The following MB21D2 variants were observed in gnomAD, a reference collection of about 807,000 sequenced individuals.
MB21D2 encodes the protein nucleotidyltransferase MB21D2.
A neutral mutation model predicts 33.3 loss-of-function variants in MB21D2; 9 were observed. That is an observed-to-expected ratio of 0.27 (90% CI 0.16 to 0.47). MB21D2 has a LOEUF of 0.47. Ranked by LOEUF, MB21D2 falls within the 20% of genes least tolerant of loss-of-function variation. MB21D2 has a pLI of 0.99. For missense variants in MB21D2, 540 were observed against 624.6 expected (o/e 0.86, Z 1.44); for synonymous variants, 241 against 236.3 (o/e 1.02, Z -0.18).
chr3:192,823,382 G>A lies in MB21D2; in HGVS notation c.212-23732C>T, dbSNP rs181609535. On this transcript the variant is annotated intron_variant, in intron 1 of 1. Coordinates refer to ENST00000392452, the MANE Select transcript of MB21D2 (RefSeq NM_178496.4). ...AAAACACATTTCTCTGGCTGGGCAC[G>A]GTGGCTCATGCCTGTAATCTCAGCA... Among the ~76,000 whole-genome samples the A allele has an allele frequency of 2.4e-3, 363 of 152,244 alleles. 1 individual carries two copies. The highest frequency in any genetic ancestry group is 8.1e-3 in the African/African-American group (338 of 41,558).
intron 1 of MB21D2, among the ~76,000 whole-genome samples, chr3:192,900,744 A>G (rs1200687860): frequency 6.6e-6 from 1 of 151,496 alleles, no homozygotes; most frequent in East Asian, 2.0e-4. Context: ...AGTTCGAGAC[A>G]AGCCTGGCCA....
intron 1 of MB21D2, among the ~76,000 whole-genome samples, chr3:192,826,790 A>G (rs1712181664): frequency 6.6e-6 from 1 of 152,068 alleles, no homozygotes; most frequent in Admixed American, 6.5e-5. Context: ...CTAGACACAG[A>G]GGAGGCTGAG....
intron 1 of MB21D2, among the ~76,000 whole-genome samples, chr3:192,841,309 G>A (rs146420939): frequency 2.0e-5 from 3 of 152,324 alleles, no homozygotes; most frequent in African/African-American, 7.2e-5. Context: ...CCCCACCTTC[G>A]GGTATTCACA....
chr3:192,899,770 G>A (rs1330766943), intron 1 of MB21D2, among the ~76,000 whole-genome samples: 1 of 118,268 alleles, frequency 8.5e-6, no homozygotes, highest in African/African-American at 3.1e-5. Flanking sequence ...CTTCAGCTCT[G>A]GGGTAGGGAG....
At chr3:192,882,684 C>G (rs140388242) in intron 1 of MB21D2, among the ~76,000 whole-genome samples, 1 of 151,364 alleles carries the variant, frequency 6.6e-6, no homozygotes, top group Non-Finnish European at 1.5e-5. Flanking sequence ...CCTGGTAGAA[C>G]TAAGATCCCC....
chr3:192,884,566 A>T (rs530869685), intron 1 of MB21D2, among the ~76,000 whole-genome samples: 2 of 151,848 alleles, frequency 1.3e-5, no homozygotes, highest in South Asian at 2.1e-4. Context: ...ACGGGGTTTC[A>T]CCGTGTTAGC....
intron 1 of MB21D2, among the ~76,000 whole-genome samples, chr3:192,830,198 CCTGA>C (rs1289000251): frequency 4.0e-5 from 6 of 151,364 alleles, no homozygotes; most frequent in South Asian, 2.1e-4. Context: ...ATAGAGTTTT[CCTGA>C]CTGTTAGTAT....
At chr3:192,877,195 T>A (rs763500826) in intron 1 of MB21D2, among the ~76,000 whole-genome samples, 1 of 152,174 alleles carries the variant, frequency 6.6e-6, no homozygotes, top group Non-Finnish European at 1.5e-5. Flanking sequence ...CATACTTTCT[T>A]AGTTTATGTA....
rs1294532469 is a variant in MB21D2 at position 192,798,567 on chromosome 3, C to A, written c.1295G>T (p.Gly432Val). ...NRLTLELQRR[G>V]STTSIPSPQS... The stretch of plus-strand genomic sequence containing the variant: ...TGGAGAGGGGATGCTGGTGGTGCTA[C>A]CTCGCCTCTGGAGCTCCAGTGTCAG... The change falls in exon 2 of 2, where the codon GGT (glycine) becomes GTT (valine). Residue 432 changes from glycine to valine, a missense_variant. Gly to Val is a moderately radical substitution (Grantham distance 109, BLOSUM62 -3). Transcript: ENST00000392452. This position sits in a 1 kb window ranked among gnomAD's most constrained non-coding sequence, Gnocchi z 4.8. 1 of 1,614,144 alleles carries A rather than the reference C, an allele frequency of 6.2e-7. No homozygotes were observed. Among genetic ancestry groups the A allele is most frequent in the Non-Finnish European group, 8.5e-7 (1 of 1,180,030 alleles).
chr3:192,819,851 C>A (rs114907223), intron 1 of MB21D2, among the ~76,000 whole-genome samples: 18 of 152,318 alleles, frequency 1.2e-4, no homozygotes, highest in Non-Finnish European at 2.6e-4. Flanking sequence ...TGACATCCAT[C>A]TGTGAAAGTG....
At chr3:192,909,932 GTC>G (rs1714303647) in intron 1 of MB21D2, among the ~76,000 whole-genome samples, 1 of 72,892 alleles carries the variant, frequency 1.4e-5, no homozygotes, top group Admixed American at 2.5e-4. Context: ...GCAAGACTCT[GTC>G]TCAAAAAAAA....
At chr3:192,870,116 G>A (rs1002004486) in intron 1 of MB21D2, among the ~76,000 whole-genome samples, 3 of 152,062 alleles carry the variant, frequency 2.0e-5, no homozygotes, top group African/African-American at 7.2e-5. Flanking sequence ...CGACTGCTTA[G>A]ACACACAATA....
intron 1 of MB21D2, among the ~76,000 whole-genome samples, chr3:192,829,407 T>C (rs958726853): frequency 1.2e-4 from 19 of 152,238 alleles, no homozygotes; most frequent in Non-Finnish European, 2.4e-4. Context: ...CGCCGTTCCA[T>C]TTTTTAAGGG....
intron 1 of MB21D2, among the ~76,000 whole-genome samples, chr3:192,871,080 G>A (rs1713285985): frequency 6.6e-6 from 1 of 152,186 alleles, no homozygotes; most frequent in African/African-American, 2.4e-5. Context: ...CATCAATGGG[G>A]ATCATGAACA....
intron 1 of MB21D2, among the ~76,000 whole-genome samples, chr3:192,895,620 A>T (rs1713949109): frequency 6.6e-6 from 1 of 152,232 alleles, no homozygotes; most frequent in Admixed American, 6.5e-5. Context: ...TTAAAGAAAA[A>T]GAAAATTTCA....
intron 1 of MB21D2, among the ~76,000 whole-genome samples, chr3:192,877,789 T>C (rs532138257): frequency 6.6e-6 from 1 of 152,292 alleles, no homozygotes; most frequent in East Asian, 1.9e-4. Flanking sequence ...TCTAGCAAAC[T>C]CACATGCAAG....
chr3:192,821,178 T>C (rs1031094275), intron 1 of MB21D2, among the ~76,000 whole-genome samples: 4 of 152,230 alleles, frequency 2.6e-5, no homozygotes, highest in African/African-American at 9.6e-5. Context: ...ACTCATTTAC[T>C]GGGCACCTAC....
intron 1 of MB21D2, among the ~76,000 whole-genome samples, chr3:192,821,233 T>C (rs1440057018): frequency 6.6e-6 from 1 of 152,188 alleles, no homozygotes; most frequent in Non-Finnish European, 1.5e-5. Flanking sequence ...ATCTTTATAA[T>C]GCCCTCTTAT....
intron 1 of MB21D2, among the ~76,000 whole-genome samples, chr3:192,907,560 C>A (rs1470638990): frequency 1.3e-5 from 2 of 152,152 alleles, no homozygotes; most frequent in Non-Finnish European, 2.9e-5. Flanking sequence ...TCAGTCACAT[C>A]ACCTCCCAGA....
Sources: gnomAD v4.1 joint callset for allele counts (sites outside exome capture counted in the v4.1 genomes callset) on GRCh38, gnomAD v4.1.1 for gene constraint, Gnocchi (gnomAD v3.1) non-coding constraint, MANE v1.5 for transcripts, NCBI Gene and HGNC (gene_info 2026-07-23, HGNC 2026-07-21) for gene names.